The following TANC2 variants were observed in gnomAD, a reference collection of about 807,000 sequenced individuals.
The protein encoded by TANC2 is protein TANC2.
A neutral mutation model predicts 210.5 loss-of-function variants in TANC2; 26 were observed. That is an observed-to-expected ratio of 0.12 (90% CI 0.09 to 0.17). TANC2 has a LOEUF of 0.17. Ranked by LOEUF, TANC2 falls within the 10% of genes least tolerant of loss-of-function variation. The pLI is 1.00. For synonymous variants in TANC2, 931 were observed against 967.1 expected (o/e 0.96, Z 0.69); for missense variants, 2,129 against 2,608.9 (o/e 0.82, Z 4.01).
chr17:63,390,793 C>G (rs1225998007), intron 17 of TANC2: 1 of 152,224 alleles, frequency 6.6e-6, no homozygotes, highest in East Asian at 1.9e-4. Flanking sequence ...ACTTCATATT[C>G]TGATCTTAGC....
chr17:63,234,557 C>T (rs1171627002), intron 7 of TANC2, among the ~76,000 whole-genome samples: 2 of 152,186 alleles, frequency 1.3e-5, no homozygotes, highest in Non-Finnish European at 2.9e-5. Context: ...TTGTAGAGAA[C>T]AGCAGGGCTT....
chr17:63,226,910 T>C (rs1290789451), intron 7 of TANC2, among the ~76,000 whole-genome samples: 2 of 152,202 alleles, frequency 1.3e-5, no homozygotes, highest in African/African-American at 4.8e-5. Context: ...GCTGCATCCA[T>C]GTCCCTACAA....
Position 63,021,932 on chromosome 17 carries a change from A to G in TANC2, c.67+12306A>G, listed in dbSNP as rs558456242. Among the ~76,000 whole-genome samples the G allele has an allele frequency of 8.5e-5, 13 of 152,328 alleles. No individual in the cohort carries two copies. In the South Asian group the frequency reaches 2.7e-3, roughly 32 times the overall value. ...AAAGACCATTCTGATGAGATTTCAG[A>G]GGTAAATGAGGAATATCTTGTTGGG... On this transcript the variant is annotated intron_variant, in intron 2 of 27. Coordinates refer to ENST00000689528, the Ensembl canonical transcript of TANC2.
At chr17:63,137,408 G>C (rs2039127388) in intron 4 of TANC2, among the ~76,000 whole-genome samples, 1 of 152,144 alleles carries the variant, frequency 6.6e-6, no homozygotes, top group African/African-American at 2.4e-5. Flanking sequence ...CACAGCTAAA[G>C]TGTCTTTTCT....
At chr17:63,417,186 C>T (rs1416960567) in intron 26 of TANC2, among the ~76,000 whole-genome samples, 1 of 152,094 alleles carries the variant, frequency 6.6e-6, no homozygotes, top group Non-Finnish European at 1.5e-5. Context: ...AAACACCAGA[C>T]GTCTGTCTTC....
intron 7 of TANC2, among the ~76,000 whole-genome samples, chr17:63,229,581 G>T (rs1344562622): frequency 6.7e-6 from 1 of 149,008 alleles, no homozygotes; most frequent in African/African-American, 2.5e-5. Flanking sequence ...TGGTTGGTAG[G>T]CTATTTATTA....
rs555294697 is a variant in TANC2 at position 63,015,327 on chromosome 17, A to T, written c.67+5701A>T. On this transcript the variant is annotated intron_variant, in intron 2 of 27. Transcript: ENST00000689528. The stretch of plus-strand genomic sequence containing the variant: ...ATTAAAATAAGATATTTATTTATTT[A>T]TTTTTTATTCTTTAAGTTCTAGGGT... Among the ~76,000 whole-genome samples the T allele has an allele frequency of 3.3e-5, 5 of 151,888 alleles. No homozygotes were observed. In the East Asian group the frequency reaches 9.7e-4, roughly 29 times the overall value.
At chr17:63,415,040 T>G (rs1289123925) in intron 25 of TANC2, among the ~76,000 whole-genome samples, 1 of 152,212 alleles carries the variant, frequency 6.6e-6, no homozygotes, top group African/African-American at 2.4e-5. Context: ...CTAGACTGCT[T>G]TAGCTCCCAC....
At chr17:63,098,664 A>C (rs2037505487) in intron 3 of TANC2, among the ~76,000 whole-genome samples, 1 of 151,878 alleles carries the variant, frequency 6.6e-6, no homozygotes, top group Admixed American at 6.6e-5. Flanking sequence ...AAGTAGAAGT[A>C]AACAGCATGT....
intron 7 of TANC2, among the ~76,000 whole-genome samples, chr17:63,208,357 G>T (rs1345845598): frequency 6.6e-6 from 1 of 152,062 alleles, no homozygotes; most frequent in Non-Finnish European, 1.5e-5. Context: ...CTTTTTCTGA[G>T]CTTTTATTCA....
intron 4 of TANC2, among the ~76,000 whole-genome samples, chr17:63,128,608 G>A (rs1019010286): frequency 6.6e-6 from 1 of 152,214 alleles, no homozygotes; most frequent in Non-Finnish European, 1.5e-5. Context: ...AAGGGAAAGT[G>A]TTTAATACAT....
intron 8 of TANC2, among the ~76,000 whole-genome samples, chr17:63,239,174 G>A (rs750264178): frequency 1.6e-3 from 237 of 151,220 alleles, no homozygotes; most frequent in Non-Finnish European, 2.8e-3. Context: ...AGAAAGAAAT[G>A]ATACTGAGGG....
chr17:63,249,569 TAA>T (rs1306232311), intron 8 of TANC2, among the ~76,000 whole-genome samples: 1 of 152,220 alleles, frequency 6.6e-6, no homozygotes, highest in African/African-American at 2.4e-5. Context: ...AGCTAAAATA[TAA>T]ACTCTGGCCA....
intron 12 of TANC2, among the ~76,000 whole-genome samples, chr17:63,349,734 T>C (rs2046535836): frequency 1.3e-5 from 2 of 152,156 alleles, no homozygotes; most frequent in African/African-American, 4.8e-5. Context: ...AAAATTCCTC[T>C]ATGGAAATTA....
At chr17:63,358,762 T>A (rs1386699543) in intron 14 of TANC2, among the ~76,000 whole-genome samples, 1 of 152,210 alleles carries the variant, frequency 6.6e-6, no homozygotes, top group East Asian at 1.9e-4. Flanking sequence ...TTAGGCAACC[T>A]TTTAGTGACT....
rs183379769 is a variant in TANC2 at position 62,973,685 on chromosome 17, A to G, written c.-24+6936A>G. Among the ~76,000 whole-genome samples, 264 of 152,344 alleles carry G rather than the reference A, an allele frequency of 1.7e-3. 1 individual carries two copies. The highest frequency in any genetic ancestry group is 3.1e-3 in the Non-Finnish European group (213 of 68,030). The stretch of plus-strand genomic sequence containing the variant: ...TGCTGGTGGCAAGAGGAAGATGAGA[A>G]GATTCTCTGAACTTTAGCCAAATGA... On this transcript the variant is annotated intron_variant, in intron 1 of 27. Coordinates refer to ENST00000689528, the Ensembl canonical transcript of TANC2.
rs575758908 is a variant in TANC2 at position 63,067,530 on chromosome 17, T to C, written c.68-6413T>C. On this transcript the variant is annotated intron_variant, in intron 2 of 27. Transcript: ENST00000689528. ...AAATAAATTCCCAATGGGAAAAAAA[T>C]TAAAAAATACTCCAACAAGCAATCA... Among the ~76,000 whole-genome samples the C allele has an allele frequency of 3.7e-4, 56 of 151,368 alleles. No homozygotes were observed. In the South Asian group the frequency reaches 9.3e-3, roughly 25 times the overall value.
chr17:63,404,764 G>A (rs968975769), intron 19 of TANC2, among the ~76,000 whole-genome samples: 1 of 152,052 alleles, frequency 6.6e-6, no homozygotes, highest in Non-Finnish European at 1.5e-5. Flanking sequence ...CTTGTCTTTA[G>A]ATTCCACCCA....
chr17:62,995,701 T>C (rs538695561), intron 1 of TANC2, among the ~76,000 whole-genome samples: 2 of 152,362 alleles, frequency 1.3e-5, no homozygotes, highest in South Asian at 4.1e-4. Flanking sequence ...GACTTCTTTG[T>C]TAATTGTCCC....
Sources: gnomAD v4.1 joint callset for allele counts (sites outside exome capture counted in the v4.1 genomes callset) on GRCh38, gnomAD v4.1.1 for gene constraint, MANE v1.5 for transcripts, NCBI Gene and HGNC (gene_info 2026-07-23, HGNC 2026-07-21) for gene names.